Variants in MBD1 observed in about 807,000 individuals in gnomAD.
MBD1 encodes methyl-CpG-binding domain protein 1.
MBD1 carries 25 observed loss-of-function variants against 82.6 expected under a neutral mutation model. That is an observed-to-expected ratio of 0.30 (90% CI 0.22 to 0.42). MBD1 has a LOEUF of 0.42. Among genes scored for constraint, MBD1 ranks in the 10% least tolerant of loss-of-function variants. The pLI is 1.00. For synonymous variants in MBD1, 301 were observed against 303.7 expected (o/e 0.99, Z 0.09); for missense variants, 627 against 819.6 (o/e 0.76, Z 2.87).
intron 1 of MBD1, among the ~76,000 whole-genome samples, chr18:50,280,920 CCTAA>C (rs1288960151): frequency 5.9e-5 from 9 of 152,196 alleles, no homozygotes; most frequent in African/African-American, 1.4e-4. Context: ...TCATGCCATC[CCTAA>C]CTGTCACCAT....
Position 50,269,532 on chromosome 18 carries a change from T to C in MBD1, c.*319A>G. 1 of 717,954 alleles carries C rather than the reference T, an allele frequency of 1.4e-6. No homozygotes were observed. The allele number at this position is 717,954 out of a possible 1,614,324, so 44.5% of individuals were successfully genotyped here. ...TGTATCTGCTAGATCACCTCGTTGG[T>C]GTGGGCAGTAGTCAGGCCTGCAGCC... is the stretch of plus-strand genomic sequence containing the variant. On this transcript the variant is annotated 3_prime_UTR_variant, in exon 17 of 17. Transcript: ENST00000269468.
At chr18:50,273,119 CTGA>C in intron 13 of MBD1, 164 bp from the exon 14 acceptor site, 1 of 1,209,878 alleles carries the variant, frequency 8.3e-7, no homozygotes, top group Non-Finnish European at 1.2e-6. Flanking sequence ...CCATTCCTCA[CTGA>C]CCTCCGTTTT....
At position 50,272,805 on chromosome 18, in the gene MBD1, G is replaced by A; in HGVS notation, c.1716+19C>T. The A allele has an allele frequency of 6.2e-7, 1 of 1,614,196 alleles. No homozygotes were observed. Among genetic ancestry groups the A allele is most frequent in the Non-Finnish European group, 8.5e-7 (1 of 1,180,020 alleles). ...GCTACAGCAGGGTCAGGGCAGGGTG[G>A]GGCATCCCCAGCACTGACCACGGGT... On this transcript the variant is annotated intron_variant, in intron 14 of 16. Transcript: ENST00000269468.
chr18:50,274,759 T>C (rs1017988748), intron 10 of MBD1, among the ~76,000 whole-genome samples: 5 of 152,136 alleles, frequency 3.3e-5, no homozygotes, highest in African/African-American at 9.7e-5. Flanking sequence ...CCTCTGTCAA[T>C]CCCCACATCA....
intron 2 of MBD1, among the ~76,000 whole-genome samples, chr18:50,278,529 G>A (rs1158870889): frequency 1.3e-5 from 2 of 152,040 alleles, no homozygotes; most frequent in Admixed American, 6.6e-5. Flanking sequence ...TTTTATACAA[G>A]TACATAAATA....
chr18:50,271,072 C>T, intron 16 of MBD1: 2 of 1,023,582 alleles, frequency 2.0e-6, no homozygotes, highest in Non-Finnish European at 2.3e-6. Flanking sequence ...TATTCAATTA[C>T]ATTTTCAATT....
rs1267560891 is a variant in MBD1, at chr18:50,273,611, C to T, written c.1399G>A (p.Val467Met). ...GCTGCAACAGGGCCCGGCACCTGCA[C>T]AGGACTGCTTGCGCCTTCCCGTAAA... ...VFLREGASSPVQVPGPVAAST... is the reference protein window; with the variant it reads ...VFLREGASSPMQVPGPVAAST... Residue 467 changes from valine (V) to methionine (M), a missense_variant, in exon 12 of 17, where the codon GTG becomes ATG. Physicochemically the swap from Val to Met is conservative, Grantham distance 21. Coordinates refer to ENST00000269468, the MANE Select transcript of MBD1 (RefSeq NM_015846.4). 9 of 1,613,236 alleles carry T rather than the reference C, an allele frequency of 5.6e-6. No individual in the cohort carries two copies. Among genetic ancestry groups the T allele is most frequent in the African/African-American group, 2.7e-5 (2 of 74,958 alleles).
In MBD1 at chr18:50,272,854, C is replaced by A. The variant is rs760805097; in HGVS notation, c.1686G>T (p.Glu562Asp). The A allele has an allele frequency of 4.3e-6, 7 of 1,614,240 alleles. 1 individual carries two copies. The South Asian group carries it at 7.7e-5, about 18-fold the overall frequency. Residue 562 changes from glutamate to aspartate, a missense_variant, in exon 14 of 17, where the codon GAG (glutamate) becomes GAT (aspartate). Physicochemically the swap from Glu to Asp is conservative, Grantham distance 45. Coordinates refer to ENST00000269468, the MANE Select transcript of MBD1 (RefSeq NM_015846.4). Reference sequence around the variant, plus strand: ...GTGTGCCAGCCCCTCCTGCCTCTTCCTCTGGGGCCAATTTGGAGGCAGAAT... The same window carrying A: ...GTGTGCCAGCCCCTCCTGCCTCTTCATCTGGGGCCAATTTGGAGGCAGAAT... ...KDDSASKLAPEEEAGGAGTPV... is the reference protein window; with the variant it reads ...KDDSASKLAPDEEAGGAGTPV...
rs1219174929 is a variant in MBD1, at chr18:50,281,456, TTCCTCCTCC to T, written c.-128_-120del. 16 of 589,786 alleles carry T rather than the reference TTCCTCCTCC, an allele frequency of 2.7e-5. No homozygotes were observed. The highest frequency in any genetic ancestry group is 3.0e-5 in the Non-Finnish European group (10 of 330,652). 36.5% of individuals were successfully genotyped at this position (589,786 alleles called of 1,614,324 possible). ...CACCTCCCGCCTCGCCCTCCTCCCC[TTCCTCCTCC>T]TCCGCGGCCGCCTCCTCTGAAGCGG... On this transcript the variant is annotated 5_prime_UTR_variant, in exon 1 of 17. Coordinates refer to ENST00000269468, the MANE Select transcript of MBD1 (RefSeq NM_015846.4).
rs746884129 is a variant in MBD1, at chr18:50,275,876, A to T, written c.622T>A (p.Cys208Ser). The T allele has an allele frequency of 1.2e-6, 2 of 1,614,092 alleles. No individual in the cohort carries two copies. Among genetic ancestry groups the T allele is most frequent in the Non-Finnish European group, 8.5e-7 (1 of 1,180,042 alleles). The stretch of plus-strand genomic sequence containing the variant: ...AGGCAGCGTCTCCGTTCACACTTGC[A>T]GAACAGCCCCGATGCCACATCATGG... ...LPHDVASGLF[C>S]KCERRRCLRI... The change falls in exon 7 of 17, where the codon TGC becomes AGC. Residue 208 changes from cysteine (C) to serine (S), a missense_variant. Transcript: ENST00000269468.
At chr18:50,279,277 G>A (rs935365947) in intron 2 of MBD1, among the ~76,000 whole-genome samples, 29 of 152,308 alleles carry the variant, frequency 1.9e-4, no homozygotes, top group Middle Eastern at 3.4e-3. Context: ...ATAGCTTCAA[G>A]ACTATAAATG....
At chr18:50,281,663 C>T (rs561722888), upstream of MBD1, 286 of 436,734 alleles carry the variant, frequency 6.5e-4, no homozygotes, top group African/African-American at 4.7e-3. Context: ...CGCGCGCCCC[C>T]CTGCCGAGAG....
At chr18:50,279,267 A>G (rs981840086) in intron 2 of MBD1, among the ~76,000 whole-genome samples, 4 of 152,206 alleles carry the variant, frequency 2.6e-5, no homozygotes, top group Non-Finnish European at 5.9e-5. Context: ...CATCTCTTAC[A>G]TAGCTTCAAG....
At position 50,276,820 on chromosome 18, in the gene MBD1, A is replaced by C. The variant is rs199760765; in HGVS notation, c.392+12T>G. The C allele has an allele frequency of 5.0e-5, 80 of 1,614,080 alleles. No individual in the cohort carries two copies. In the African/African-American group the frequency reaches 1.0e-3, roughly 20 times the overall value. Reference sequence around the variant, plus strand: ...CCCTCACCCATCTGGCTCACCTTAGACCAACACTCACCCAGGAGCAGGGAA... The same window carrying C: ...CCCTCACCCATCTGGCTCACCTTAGCCCAACACTCACCCAGGAGCAGGGAA... On this transcript the variant is annotated intron_variant, in intron 4 of 16. Coordinates refer to ENST00000269468, the MANE Select transcript of MBD1 (RefSeq NM_015846.4).
intron 2 of MBD1, among the ~76,000 whole-genome samples, chr18:50,278,146 T>C (rs183078367): frequency 3.3e-5 from 5 of 152,218 alleles, no homozygotes; most frequent in African/African-American, 9.7e-5. Flanking sequence ...GATACGGATA[T>C]GGACAAAGAG....
chr18:50,268,705 C>CG (rs2034329481), downstream of MBD1: 1 of 165,490 alleles, frequency 6.0e-6, no homozygotes, highest in South Asian at 2.0e-4. Context: ...CCCGCCCCCG[C>CG]GGCCTAGGTA....
Position 50,276,764 on chromosome 18 carries a change from TGTG to T in MBD1, c.393-23_393-21del. On this transcript the variant is annotated intron_variant, in intron 4 of 16. Coordinates refer to ENST00000269468, the MANE Select transcript of MBD1 (RefSeq NM_015846.4). ...CAGCACCTGGGATGGGAAAGGCAGG[TGTG>T]GGGCTCCAAGAGCACCCCCAATCAC... 6.2e-7 allele frequency: 1 copy of T among 1,613,992 alleles called. No homozygotes were observed. The highest frequency in any genetic ancestry group is 8.5e-7 in the Non-Finnish European group (1 of 1,179,868).
chr18:50,274,172 C>T lies in MBD1; in HGVS notation c.1146+14G>A. 2 of 1,613,726 alleles carry T rather than the reference C, an allele frequency of 1.2e-6. No individual in the cohort carries two copies. Among genetic ancestry groups the T allele is most frequent in the South Asian group, 1.1e-5 (1 of 91,056 alleles). ...AACCTATCCCGTCCACCTGACCCTT[C>T]CTGCCCCACCCACCATGGCAAACTG... On this transcript the variant is annotated intron_variant, in intron 11 of 16. Transcript: ENST00000269468.
At chr18:50,270,568 G>C (rs1417950113) in intron 16 of MBD1, 1 of 338,632 alleles carries the variant, frequency 3.0e-6, no homozygotes, top group Non-Finnish European at 5.9e-6. Flanking sequence ...TGCTCTGGCT[G>C]AAGAGGGGGA....
Sources: allele counts gnomAD v4.1 joint callset (sites outside exome capture counted in the v4.1 genomes callset), GRCh38; gene constraint gnomAD v4.1.1; transcripts MANE v1.5; gene names NCBI Gene and HGNC (gene_info 2026-07-23, HGNC 2026-07-21).